The following UNC13C variants were observed in gnomAD, a reference collection of about 807,000 sequenced individuals.
The protein encoded by UNC13C is protein unc-13 homolog C.
Under a neutral mutation model 245.4 loss-of-function variants are expected in UNC13C, and 174 were observed. The observed-to-expected ratio is 0.71, with a 90% CI of 0.63 to 0.80. The LOEUF is 0.80. UNC13C is among the 30% of genes least tolerant of loss of function. The pLI, the probability that UNC13C is intolerant of heterozygous loss-of-function variation, is 0.00. For synonymous variants in UNC13C, 992 were observed against 895.1 expected (o/e 1.11, Z -1.93); for missense variants, 2,829 against 2,602.9 (o/e 1.09, Z -1.89).
chr15:54,259,101 C>G (rs1315997087), intron 8 of UNC13C, among the ~76,000 whole-genome samples: 1 of 152,196 alleles, frequency 6.6e-6, no homozygotes, highest in Non-Finnish European at 1.5e-5. Flanking sequence ...CCTATAAGGC[C>G]ACTAATCCCA....
intron 10 of UNC13C, among the ~76,000 whole-genome samples, chr15:54,274,543 A>C (rs1290248098): frequency 1.3e-5 from 2 of 152,162 alleles, no homozygotes; most frequent in Non-Finnish European, 2.9e-5. Context: ...GAAGAAACAC[A>C]ACTCATGCCT....
intron 10 of UNC13C, among the ~76,000 whole-genome samples, chr15:54,277,321 C>G (rs2036858704): frequency 6.6e-6 from 1 of 152,190 alleles, no homozygotes; most frequent in African/African-American, 2.4e-5. Context: ...ATGGATAGCA[C>G]TTCTTTTGAC....
At chr15:53,992,704 G>C (rs555112265) in intron 1 of UNC13C, among the ~76,000 whole-genome samples, 41 of 152,168 alleles carry the variant, frequency 2.7e-4, no homozygotes, top group African/African-American at 9.4e-4. Flanking sequence ...TTAATTCCTG[G>C]ACCTGGTGCT....
intron 2 of UNC13C, among the ~76,000 whole-genome samples, chr15:54,115,106 G>T (rs2030140103): frequency 6.6e-6 from 1 of 151,840 alleles, no homozygotes; most frequent in Admixed American, 6.6e-5. Flanking sequence ...TTAATTTTAT[G>T]ATATATTTTT....
intron 19 of UNC13C, among the ~76,000 whole-genome samples, chr15:54,442,492 G>A (rs1890584493): frequency 6.6e-6 from 1 of 151,954 alleles, no homozygotes; most frequent in Non-Finnish European, 1.5e-5. Flanking sequence ...CAAAGTGCTG[G>A]GATTACAGGT....
intron 1 of UNC13C, among the ~76,000 whole-genome samples, chr15:54,011,073 T>C (rs1432492679): frequency 1.3e-5 from 2 of 151,968 alleles, no homozygotes; most frequent in East Asian, 1.9e-4. Context: ...TTACAGATAG[T>C]GAGGGCTGGA....
At chr15:54,399,472 C>T (rs928553188) in intron 18 of UNC13C, among the ~76,000 whole-genome samples, 1 of 151,706 alleles carries the variant, frequency 6.6e-6, no homozygotes, top group African/African-American at 2.4e-5. Context: ...GTTATGCAGA[C>T]CAAAACATAA....
At chr15:54,465,074 A>G (rs1892095257) in intron 19 of UNC13C, among the ~76,000 whole-genome samples, 3 of 152,038 alleles carry the variant, frequency 2.0e-5, no homozygotes, top group Non-Finnish European at 4.4e-5. Context: ...TTCAATATAT[A>G]TTGAAGCTAT....
intron 13 of UNC13C, chr15:54,320,735 T>C: frequency 2.6e-6 from 1 of 383,438 alleles, no homozygotes; most frequent in Non-Finnish European, 5.0e-6. Context: ...TAAGATCTTC[T>C]GCCACTGCCA....
intron 26 of UNC13C, among the ~76,000 whole-genome samples, chr15:54,545,367 C>A (rs1179873798): frequency 6.6e-6 from 1 of 152,104 alleles, no homozygotes; most frequent in Non-Finnish European, 1.5e-5. Context: ...CTAGGCAATA[C>A]CATTTAGGAC....
intron 29 of UNC13C, among the ~76,000 whole-genome samples, chr15:54,561,177 G>A (rs1897283619): frequency 6.6e-6 from 1 of 151,980 alleles, no homozygotes; most frequent in African/African-American, 2.4e-5. Flanking sequence ...CACAGCCCTG[G>A]TTAGATTCTT....
chr15:54,230,205 C>A (rs1295278085), intron 4 of UNC13C, among the ~76,000 whole-genome samples: 4 of 143,366 alleles, frequency 2.8e-5, no homozygotes, highest in Admixed American at 1.4e-4. Context: ...ACATTCCCAA[C>A]AACAATGTGC....
chr15:54,560,918 G>T (rs1455308195), intron 29 of UNC13C, among the ~76,000 whole-genome samples: 27 of 151,974 alleles, frequency 1.8e-4, no homozygotes. Context: ...ATATTAAGTT[G>T]TCACTTATAT....
intron 2 of UNC13C, among the ~76,000 whole-genome samples, chr15:54,034,412 C>T (rs755279044): frequency 5.3e-5 from 8 of 152,176 alleles, no homozygotes; most frequent in Non-Finnish European, 1.0e-4. Flanking sequence ...CCTTATCTTA[C>T]ACCTCTGTAA....
intron 10 of UNC13C, among the ~76,000 whole-genome samples, chr15:54,289,252 G>T (rs1001925677): frequency 2.6e-5 from 4 of 151,984 alleles, no homozygotes; most frequent in Admixed American, 1.3e-4. Context: ...ATGTATCTCT[G>T]TGTATGGTAG....
chr15:54,374,155 G>A (rs1194590307), intron 17 of UNC13C, among the ~76,000 whole-genome samples: 1 of 152,198 alleles, frequency 6.6e-6, no homozygotes, highest in Non-Finnish European at 1.5e-5. Flanking sequence ...AAAGGAGGAA[G>A]TGTGTTCTAA....
At chr15:54,399,580 A>G (rs1457582883) in intron 18 of UNC13C, among the ~76,000 whole-genome samples, 1 of 151,904 alleles carries the variant, frequency 6.6e-6, no homozygotes, top group Non-Finnish European at 1.5e-5. Flanking sequence ...ATATACATAC[A>G]GTGAAGTCTC....
At chr15:54,213,947 A>G (rs1458425568) in intron 4 of UNC13C, among the ~76,000 whole-genome samples, 2 of 151,996 alleles carry the variant, frequency 1.3e-5, no homozygotes, top group Non-Finnish European at 2.9e-5. Flanking sequence ...AAAGGCACAG[A>G]CGGAGCTACC....
intron 4 of UNC13C, among the ~76,000 whole-genome samples, chr15:54,207,999 G>T (rs928444173): frequency 2.0e-5 from 3 of 152,102 alleles, no homozygotes; most frequent in African/African-American, 7.2e-5. Flanking sequence ...TTTAAAGAAA[G>T]AGGTTTAATT....
Sources: allele counts gnomAD v4.1 joint callset (sites outside exome capture counted in the v4.1 genomes callset), GRCh38; gene constraint gnomAD v4.1.1; transcripts MANE v1.5; gene names NCBI Gene and HGNC (gene_info 2026-07-23, HGNC 2026-07-21).